Variants in ZDHHC18 observed in about 807,000 individuals in gnomAD.
The protein encoded by ZDHHC18 is palmitoyltransferase ZDHHC18.
In ZDHHC18, 23 loss-of-function variants were observed where a neutral mutation model predicts 37.5. That is an observed-to-expected ratio of 0.61 (90% confidence interval 0.44 to 0.87). The LOEUF (loss-of-function observed/expected upper bound fraction) is 0.87, where lower values mean the gene tolerates loss of function less well. Among genes scored for constraint, ZDHHC18 ranks in the 40% least tolerant of loss-of-function variants. ZDHHC18 has a pLI of 0.00. For missense variants in ZDHHC18, 406 were observed against 525.6 expected (o/e 0.77, Z 2.22); for synonymous variants, 185 against 218.7 (o/e 0.85, Z 1.36).
chr1:26,853,743 GA>G lies in ZDHHC18; in HGVS notation c.1068del (p.Phe357LeufsTer28). The G allele has an allele frequency of 6.2e-7, 1 of 1,614,080 alleles. No homozygotes were observed. Among genetic ancestry groups the G allele is most frequent in the Non-Finnish European group, 8.5e-7 (1 of 1,180,026 alleles). ...TTTGGAAGCCTAATTGACCGGAGGG[GA>G]TTTGTGCAGTCCGACACCGTGTTGC... Reference protein sequence around the residue: ...PLPPSLIDRRGFVQSDTVLPS... With the variant: ...PLPPSLIDRRXFVQSDTVLPS... On this transcript the variant is annotated frameshift_variant, in exon 8 of 8. Transcript: ENST00000374142. LOFTEE classifies it high-confidence loss of function.
chr1:26,842,626 G>T (rs962931724), intron 2 of ZDHHC18, among the ~76,000 whole-genome samples: 5 of 152,220 alleles, frequency 3.3e-5, no homozygotes, highest in African/African-American at 1.2e-4. Context: ...GTGGCCATTG[G>T]CCTCTAAATC....
rs1218782218 is a variant in ZDHHC18, at chr1:26,857,468, A to G, written c.*3625A>G. On this transcript the variant is annotated 3_prime_UTR_variant, in exon 8 of 8. Transcript: ENST00000374142. Reference sequence around the variant, plus strand: ...GACCAAGCTAGCCGTGCACAGCCCCATACACTTCAGGGGACTAAAGGAAAG... The same window carrying G: ...GACCAAGCTAGCCGTGCACAGCCCCGTACACTTCAGGGGACTAAAGGAAAG... The G allele has an allele frequency of 6.6e-6, 1 of 152,022 alleles. No individual in the cohort carries two copies. Among genetic ancestry groups the G allele is most frequent in the Non-Finnish European group, 1.5e-5 (1 of 68,056 alleles). The allele number at this position is 152,022 out of a possible 1,614,324, so 9.4% of individuals were successfully genotyped here. A position where few individuals can be genotyped will look rare whatever the true frequency, so the allele number is the denominator to read the frequency against.
chr1:26,833,575 T>G (rs1296692281), intron 2 of ZDHHC18, among the ~76,000 whole-genome samples: 1 of 152,136 alleles, frequency 6.6e-6, no homozygotes, highest in African/African-American at 2.4e-5. Flanking sequence ...GACCCTGTGC[T>G]CCCAGGCAGC....
Position 26,826,769 on chromosome 1 carries a change from C to CCGCGGGG in ZDHHC18, c.-30_-24dup. On this transcript the variant is annotated 5_prime_UTR_variant, in exon 1 of 8. Coordinates refer to ENST00000374142, the MANE Select transcript of ZDHHC18 (RefSeq NM_032283.3). The surrounding 1 kb of genome is among the most constrained non-coding windows in gnomAD (Gnocchi z 5.2). ...CCGGTCCCGGAGTGGCCCGGCCGGC[C>CCGCGGGG]CGCGGGGCGCGGAGCCGAGGCCCGC... is the stretch of plus-strand genomic sequence containing the variant. 1 of 961,432 alleles carries CCGCGGGG rather than the reference C, an allele frequency of 1.0e-6. No homozygotes were observed. The highest frequency in any genetic ancestry group is 1.2e-6 in the Non-Finnish European group (1 of 810,276). The allele number at this position is 961,432 out of a possible 1,614,324, so 59.6% of individuals were successfully genotyped here.
At chr1:26,847,778 C>T (rs1360480899) in intron 2 of ZDHHC18, among the ~76,000 whole-genome samples, 1 of 151,874 alleles carries the variant, frequency 6.6e-6, no homozygotes, top group African/African-American at 2.4e-5. Context: ...ACCCCCTGGG[C>T]TCAAGTGATC....
At position 26,854,183 on chromosome 1, in the gene ZDHHC18, G is replaced by A. The variant is rs1279035704; in HGVS notation, c.*340G>A. 1.3e-5 allele frequency: 3 copies of A among 231,814 alleles called. No homozygotes were observed. The highest frequency in any genetic ancestry group is 1.7e-5 in the Non-Finnish European group (2 of 116,076). 14.4% of individuals were successfully genotyped at this position (231,814 alleles called of 1,614,324 possible). A position where few individuals can be genotyped will look rare whatever the true frequency, so the allele number is the denominator to read the frequency against. On this transcript the variant is annotated 3_prime_UTR_variant, in exon 8 of 8. Coordinates refer to ENST00000374142, the MANE Select transcript of ZDHHC18 (RefSeq NM_032283.3). The surrounding 1 kb of genome is among the most constrained non-coding windows in gnomAD (Gnocchi z 4.6). Reference sequence around the variant, plus strand: ...GTGAACTGAGCGTGAGGCCTCCCAGGTGGGGGAACTGCTTGGGCCTTGCTG... The same window carrying A: ...GTGAACTGAGCGTGAGGCCTCCCAGATGGGGGAACTGCTTGGGCCTTGCTG...
In ZDHHC18 at chr1:26,853,807, C is replaced by A; in HGVS notation, c.1131C>A (p.Ala377=). 2 of 1,614,066 alleles carry A rather than the reference C, an allele frequency of 1.2e-6. No individual in the cohort carries two copies. Among genetic ancestry groups the A allele is most frequent in the Non-Finnish European group, 1.7e-6 (2 of 1,180,036 alleles). The change falls in exon 8 of 8, where the codon GCC becomes GCA. Residue 377 remains alanine, a synonymous_variant. Coordinates refer to ENST00000374142, the MANE Select transcript of ZDHHC18 (RefSeq NM_032283.3). ...PIRSDEPACR[A]KPDASMVGGH... Reference sequence around the variant, plus strand: ...GAAGCGATGAGCCAGCCTGCAGAGCCAAGCCTGATGCCAGCATGGTAGGAG... The same window carrying A: ...GAAGCGATGAGCCAGCCTGCAGAGCAAAGCCTGATGCCAGCATGGTAGGAG...
Position 26,827,147 on chromosome 1 carries a change from C to T in ZDHHC18, c.335+8C>T. 39 of 1,394,410 alleles carry T rather than the reference C, an allele frequency of 2.8e-5. No homozygotes were observed. The highest frequency in any genetic ancestry group is 3.4e-5 in the Non-Finnish European group (37 of 1,078,238). 86.4% of individuals were successfully genotyped at this position (1,394,410 alleles called of 1,614,324 possible). A position where few individuals can be genotyped will look rare whatever the true frequency, so the allele number is the denominator to read the frequency against. ...CCTCTTCTTCGTCTTTGAGTGAGTT[C>T]CGCTGCCTCGGCGCCCCCTCCCAGC... is the stretch of plus-strand genomic sequence containing the variant. On this transcript the variant is annotated splice_region_variant and intron_variant, in intron 1 of 7. Transcript: ENST00000374142.
intron 2 of ZDHHC18, among the ~76,000 whole-genome samples, chr1:26,846,611 A>G (rs1490964204): frequency 6.6e-6 from 1 of 151,652 alleles, no homozygotes; most frequent in African/African-American, 2.4e-5. Context: ...GTGAGCCACC[A>G]TGCCCAGCCT....
chr1:26,852,608 T>C (rs1293188098), intron 6 of ZDHHC18, 145 bp from the exon 7 acceptor site: 5 of 653,148 alleles, frequency 7.7e-6, no homozygotes, highest in South Asian at 5.7e-5. Flanking sequence ...CACATTCTCA[T>C]TGAATGGCCC....
intron 2 of ZDHHC18, among the ~76,000 whole-genome samples, chr1:26,833,645 G>C (rs2081597731): frequency 6.6e-6 from 1 of 152,016 alleles, no homozygotes; most frequent in South Asian, 2.1e-4. Context: ...CGGGGTACTG[G>C]GCCAGGTCCC....
At chr1:26,848,550 G>T in intron 2 of ZDHHC18, 58 bp from the exon 3 acceptor site, 1 of 1,578,646 alleles carries the variant, frequency 6.3e-7, no homozygotes, top group East Asian at 2.3e-5. Flanking sequence ...CCCCTGCTGG[G>T]GATCCGGGCC....
chr1:26,832,824 G>A (rs1179619699), intron 2 of ZDHHC18, among the ~76,000 whole-genome samples: 2 of 152,266 alleles, frequency 1.3e-5, no homozygotes, highest in Non-Finnish European at 1.5e-5. Flanking sequence ...CAAAGGCCCC[G>A]ATGGCAGCCA....
In ZDHHC18 at chr1:26,856,289, A is replaced by G. The variant is rs1157833203; in HGVS notation, c.*2446A>G. 4.6e-6 allele frequency: 2 copies of G among 432,294 alleles called. No individual in the cohort carries two copies. Among genetic ancestry groups the G allele is most frequent in the Non-Finnish European group, 9.6e-6 (2 of 207,312 alleles). 26.8% of individuals were successfully genotyped at this position (432,294 alleles called of 1,614,324 possible). ...TAAGACCGTTTCTTCCCTGTCGGCCAGCACTGCCCGCTCCCCTCACACACC... is the reference window on the plus strand; with the variant it reads ...TAAGACCGTTTCTTCCCTGTCGGCCGGCACTGCCCGCTCCCCTCACACACC... On this transcript the variant is annotated 3_prime_UTR_variant, in exon 8 of 8. Coordinates refer to ENST00000374142, the MANE Select transcript of ZDHHC18 (RefSeq NM_032283.3). This position sits in a 1 kb window ranked among gnomAD's most constrained non-coding sequence, Gnocchi z 5.2.
At chr1:26,829,991 G>A (rs1455994617) in intron 1 of ZDHHC18, among the ~76,000 whole-genome samples, 1 of 152,232 alleles carries the variant, frequency 6.6e-6, no homozygotes, top group Non-Finnish European at 1.5e-5. Context: ...AGCGCCCACT[G>A]GTTCTGTTTG....
Position 26,827,035 on chromosome 1 carries a change from T to C in ZDHHC18, c.231T>C (p.Asn77=), listed in dbSNP as rs2124241988. 3 of 1,301,236 alleles carry C rather than the reference T, an allele frequency of 2.3e-6. No individual in the cohort carries two copies. The highest frequency in any genetic ancestry group is 1.5e-5 in the African/African-American group (1 of 65,016). The allele number at this position is 1,301,236 out of a possible 1,614,324, so 80.6% of individuals were successfully genotyped here. ...RRKWEVFPGR[N]RFYCGGRLML... is the part of the protein sequence containing the mutation. ...AGTGGGAGGTGTTCCCGGGTCGCAATCGCTTCTACTGCGGCGGCCGCCTCA... is the reference window on the plus strand; with the variant it reads ...AGTGGGAGGTGTTCCCGGGTCGCAACCGCTTCTACTGCGGCGGCCGCCTCA... The change falls in exon 1 of 8, where the codon AAT becomes AAC. Residue 77 remains asparagine (N), a synonymous_variant. Coordinates refer to ENST00000374142, the MANE Select transcript of ZDHHC18 (RefSeq NM_032283.3).
intron 2 of ZDHHC18, among the ~76,000 whole-genome samples, chr1:26,848,382 G>T (rs961795260): frequency 3.9e-5 from 6 of 152,048 alleles, no homozygotes; most frequent in Admixed American, 3.9e-4. Context: ...CTTAGAGTGG[G>T]TAAGGCCGGC....
Position 26,827,634 on chromosome 1 carries a change from C to T in ZDHHC18, c.335+495C>T, listed in dbSNP as rs193197192. On this transcript the variant is annotated intron_variant, in intron 1 of 7. Transcript: ENST00000374142. ...TTGTGTGTCCTTTGGCTGTGCACAC[C>T]CACCATAAACATCCTAGTCATCCTC... 3.4e-3 allele frequency among the ~76,000 whole-genome samples: 514 copies of T among 152,194 alleles called. 2 individuals are homozygous for T. Among genetic ancestry groups the T allele is most frequent in the Non-Finnish European group, 5.3e-3 (363 of 67,998 alleles).
Position 26,854,262 on chromosome 1 carries a change from TGGCTGTGGAGA to T in ZDHHC18, c.*422_*432del. 6.2e-6 allele frequency: 1 copy of T among 160,858 alleles called. No individual in the cohort carries two copies. The highest frequency in any genetic ancestry group is 3.0e-3 in the Middle Eastern group (1 of 332). 10.0% of individuals were successfully genotyped at this position (160,858 alleles called of 1,614,324 possible). On this transcript the variant is annotated 3_prime_UTR_variant, in exon 8 of 8. Coordinates refer to ENST00000374142, the MANE Select transcript of ZDHHC18 (RefSeq NM_032283.3). This position sits in a 1 kb window ranked among gnomAD's most constrained non-coding sequence, Gnocchi z 4.6. ...TGAGGAGTGGCCAGCTCTGGATAGC[TGGCTGTGGAGA>T]GGAAGCCTCCATGGGCTGCTTTGGT...
Sources: allele counts gnomAD v4.1 joint callset (sites outside exome capture counted in the v4.1 genomes callset), GRCh38; gene constraint gnomAD v4.1.1; non-coding constraint Gnocchi (gnomAD v3.1); transcripts MANE v1.5; gene names NCBI Gene and HGNC (gene_info 2026-07-23, HGNC 2026-07-21).